Variants in PDE1A observed in about 807,000 individuals in gnomAD.
The protein encoded by PDE1A is dual specificity calcium/calmodulin-dependent 3',5'-cyclic nucleotide phosphodiesterase 1A.
In PDE1A, 35 loss-of-function variants were observed where a neutral mutation model predicts 61.7. The observed-to-expected ratio is 0.57, with a 90% CI of 0.43 to 0.75. The LOEUF is 0.75. Among genes scored for constraint, PDE1A ranks in the 30% least tolerant of loss-of-function variants. PDE1A has a pLI of 0.00. For missense variants in PDE1A, 597 were observed against 630.6 expected (o/e 0.95, Z 0.57); for synonymous variants, 232 against 213.2 (o/e 1.09, Z -0.77).
chr2:182,397,295 T>C (rs1345286950), intron 1 of PDE1A, among the ~76,000 whole-genome samples: 1 of 152,152 alleles, frequency 6.6e-6, no homozygotes, highest in Non-Finnish European at 1.5e-5. Flanking sequence ...TTATTATATA[T>C]TTCTGTTCTT....
At chr2:182,191,035 G>C (rs938454904) in intron 10 of PDE1A, among the ~76,000 whole-genome samples, 1 of 152,166 alleles carries the variant, frequency 6.6e-6, no homozygotes, top group Non-Finnish European at 1.5e-5. Context: ...AGGTATTTAT[G>C]ATGTCTAATG....
chr2:182,285,457 G>T (rs1463490190), intron 1 of PDE1A, among the ~76,000 whole-genome samples: 1 of 151,944 alleles, frequency 6.6e-6, no homozygotes, highest in Non-Finnish European at 1.5e-5. Flanking sequence ...GGAAGGAAGT[G>T]GCCAAAATCA....
chr2:182,189,307 A>G (rs142996673), intron 10 of PDE1A, among the ~76,000 whole-genome samples: 1 of 152,342 alleles, frequency 6.6e-6, no homozygotes, highest in African/African-American at 2.4e-5. Flanking sequence ...TTGCTTTGGC[A>G]TTACAATCCC....
At chr2:182,468,650 G>T (rs1327491474) in intron 2 of PDE1A, among the ~76,000 whole-genome samples, 2 of 151,908 alleles carry the variant, frequency 1.3e-5, no homozygotes, top group Non-Finnish European at 2.9e-5. Context: ...ATGGGATTTG[G>T]AATAGCAAAT....
chr2:182,198,506 G>C (rs990450217), intron 10 of PDE1A, among the ~76,000 whole-genome samples: 4 of 151,762 alleles, frequency 2.6e-5, no homozygotes, highest in Admixed American at 6.6e-5. Context: ...GTTGAGAAAG[G>C]TCTTCTACTT....
At chr2:182,581,541 T>G in the PDE1A span, among the ~76,000 whole-genome samples, 1 of 152,170 alleles carries the variant, frequency 6.6e-6, no homozygotes, top group Middle Eastern at 3.2e-3. Context: ...ATGTCAGAAA[T>G]CAAATCAATC....
At chr2:182,384,300 A>G (rs1700899876) in intron 1 of PDE1A, among the ~76,000 whole-genome samples, 1 of 152,158 alleles carries the variant, frequency 6.6e-6, no homozygotes, top group South Asian at 2.1e-4. Context: ...ATGAGGTTCC[A>G]GTGATTGACC....
chr2:182,220,728 C>T lies in PDE1A; in HGVS notation c.776+3136G>A, dbSNP rs189750803. Among the ~76,000 whole-genome samples, 521 of 152,144 alleles carry T rather than the reference C, an allele frequency of 3.4e-3. 2 individuals carry two copies. The highest frequency in any genetic ancestry group is 0.012 in the African/African-American group (500 of 41,524). On this transcript the variant is annotated intron_variant, in intron 7 of 13. Coordinates refer to ENST00000351439, the Ensembl canonical transcript of PDE1A. ...TCTAGCCTTGCCCTATGTTCCAAAT[C>T]GCATTTTAGCCATTTTGTATTATGT...
At chr2:182,439,876 T>C (rs10209382) in intron 2 of PDE1A, among the ~76,000 whole-genome samples, 109,413 of 151,926 alleles carry the variant, frequency 0.72, 39,704 homozygotes, top group East Asian at 0.96. Flanking sequence ...CATTTTACTT[T>C]GAGCAAGTTG....
the PDE1A span, among the ~76,000 whole-genome samples, chr2:182,552,443 T>TG: frequency 6.9e-6 from 1 of 145,554 alleles, no homozygotes; most frequent in Non-Finnish European, 1.5e-5. Flanking sequence ...CACAAAGTTT[T>TG]TTTTTTTTTT....
intron 1 of PDE1A, among the ~76,000 whole-genome samples, chr2:182,347,302 G>A (rs1023964948): frequency 2.0e-5 from 3 of 152,114 alleles, no homozygotes; most frequent in East Asian, 1.9e-4. Flanking sequence ...AATCTGCTAT[G>A]AAGAAAGCGA....
At chr2:182,529,588 C>T in the PDE1A span, among the ~76,000 whole-genome samples, 48 of 152,206 alleles carry the variant, frequency 3.2e-4, no homozygotes, top group African/African-American at 1.0e-3. Flanking sequence ...AGTGAGACCA[C>T]GAGGTTTGGG....
At chr2:182,287,430 T>G (rs1400234753) in intron 1 of PDE1A, among the ~76,000 whole-genome samples, 1 of 152,176 alleles carries the variant, frequency 6.6e-6, no homozygotes, top group African/African-American at 2.4e-5. Context: ...CTATCACGTC[T>G]ATTTACCTAT....
Position 182,438,372 on chromosome 2 carries a change from G to A in PDE1A, c.101+83904C>T, listed in dbSNP as rs1294229698. On this transcript the variant is annotated intron_variant, in intron 2 of 14. Coordinates refer to the PDE1A transcript ENST00000410103. ...GAAGTCCTATGTTGGTCTCCAATGG[G>A]GCCACCTCTAAGGCATATGGAAAGG... 2.0e-5 allele frequency among the ~76,000 whole-genome samples: 3 copies of A among 151,898 alleles called. No individual in the cohort carries two copies. In the East Asian group the frequency reaches 5.8e-4, roughly 30 times the overall value.
At chr2:182,574,626 T>G in the PDE1A span, among the ~76,000 whole-genome samples, 1 of 152,226 alleles carries the variant, frequency 6.6e-6, no homozygotes, top group Non-Finnish European at 1.5e-5. Flanking sequence ...AGCGTATACA[T>G]GCACAAACAT....
intron 1 of PDE1A, among the ~76,000 whole-genome samples, chr2:182,401,696 AAAT>A (rs1702006776): frequency 6.6e-6 from 1 of 152,202 alleles, no homozygotes; most frequent in African/African-American, 2.4e-5. Context: ...CAAAAGAAAG[AAAT>A]AAAGGGTATT....
the PDE1A span, among the ~76,000 whole-genome samples, chr2:182,658,302 G>A: frequency 1.6e-4 from 25 of 152,228 alleles, no homozygotes; most frequent in African/African-American, 3.6e-4. Context: ...AGTCCCTGAT[G>A]TTCCTTGCCT....
chr2:182,602,037 C>T, the PDE1A span, among the ~76,000 whole-genome samples: 1 of 152,240 alleles, frequency 6.6e-6, no homozygotes, highest in Non-Finnish European at 1.5e-5. Flanking sequence ...CCCCTTCCAC[C>T]CAGGAATCTG....
chr2:182,590,663 T>C, the PDE1A span, among the ~76,000 whole-genome samples: 4 of 152,188 alleles, frequency 2.6e-5, no homozygotes, highest in Non-Finnish European at 5.9e-5. Flanking sequence ...AAAGCAATGA[T>C]TGCAGAATTT....
Sources: allele counts gnomAD v4.1 joint callset (sites outside exome capture counted in the v4.1 genomes callset), GRCh38; gene constraint gnomAD v4.1.1; transcripts MANE v1.5; gene names NCBI Gene and HGNC (gene_info 2026-07-23, HGNC 2026-07-21).